The following CNOT10 variants were observed in gnomAD, a reference collection of about 807,000 sequenced individuals.
CNOT10 encodes CCR4-NOT transcription complex, subunit 10.
Under a neutral mutation model 94.6 loss-of-function variants are expected in CNOT10, and 30 were observed. That is an observed-to-expected ratio of 0.32 (90% CI 0.24 to 0.43). The LOEUF is 0.43. Ranked by LOEUF, CNOT10 falls within the 20% of genes least tolerant of loss-of-function variation. The pLI is 1.00. For missense variants in CNOT10, 759 were observed against 877.2 expected, an observed-to-expected ratio of 0.87 and a Z score of 1.70; for synonymous variants, 289 against 301.6, an observed-to-expected ratio of 0.96 and a Z score of 0.43.
At chr3:32,771,499 C>G (rs370516231) in intron 18 of CNOT10, among the ~76,000 whole-genome samples, 2 of 152,170 alleles carry the variant, frequency 1.3e-5, no homozygotes, top group South Asian at 2.1e-4. Context: ...ACTTAGGAGG[C>G]TGAAGCAGGA....
chr3:32,708,472 T>C (rs1475074010), intron 3 of CNOT10, among the ~76,000 whole-genome samples, 198 bp from the exon 4 acceptor site: 1 of 152,138 alleles, frequency 6.6e-6, no homozygotes, highest in Non-Finnish European at 1.5e-5. Context: ...TACCTAAAAT[T>C]TTATTATGTG....
At position 32,755,397 on chromosome 3, in the gene CNOT10, C is replaced by T. The variant is rs1301181770; in HGVS notation, c.1596-4061C>T. Reference sequence around the variant, plus strand: ...GCAATGGCATGATCTCAGCTCACTGCAACCTTTGCCTCCCAGGTTCAAGCA... The same window carrying T: ...GCAATGGCATGATCTCAGCTCACTGTAACCTTTGCCTCCCAGGTTCAAGCA... On this transcript the variant is annotated intron_variant, in intron 13 of 18. Transcript: ENST00000328834. Among the ~76,000 whole-genome samples, 3 of 147,318 alleles carry T rather than the reference C, an allele frequency of 2.0e-5. No homozygotes were observed. In the East Asian group the frequency reaches 6.1e-4, roughly 30 times the overall value.
intron 2 of CNOT10, among the ~76,000 whole-genome samples, chr3:32,704,525 A>G (rs1697523308): frequency 6.6e-6 from 1 of 152,136 alleles, no homozygotes; most frequent in Non-Finnish European, 1.5e-5. Context: ...AGCCTCAGCC[A>G]TTAATACCCT....
Position 32,685,378 on chromosome 3 carries a change from G to C in CNOT10, c.-83G>C, listed in dbSNP as rs1001028633. The C allele has an allele frequency of 2.7e-6, 4 of 1,502,386 alleles. No homozygotes were observed. The highest frequency in any genetic ancestry group is 2.5e-5 in the East Asian group (1 of 40,626). The allele number at this position is 1,502,386 out of a possible 1,614,324, so 93.1% of individuals were successfully genotyped here. A position where few individuals can be genotyped will look rare whatever the true frequency, so the allele number is the denominator to read the frequency against. On this transcript the variant is annotated 5_prime_UTR_variant, in exon 1 of 19. Transcript: ENST00000328834. ...CCGGGGTAGGCACAGAGTTGTCCTC[G>C]GAGGTCCAGGACAGCGGCCAGCCCG...
chr3:32,769,996 T>A, intron 18 of CNOT10, 34 bp downstream of exon 18: 1 of 1,548,472 alleles, frequency 6.5e-7, no homozygotes, highest in Non-Finnish European at 8.9e-7. Flanking sequence ...ACTTTATCCC[T>A]TGAAAGAGCC....
chr3:32,704,380 A>G (rs1306758497), intron 2 of CNOT10, among the ~76,000 whole-genome samples: 1 of 152,178 alleles, frequency 6.6e-6, no homozygotes, highest in Non-Finnish European at 1.5e-5. Context: ...TTTTTCTGGC[A>G]TTAAACAATA....
At chr3:32,762,350 G>C (rs1246877174) in intron 14 of CNOT10, among the ~76,000 whole-genome samples, 1 of 151,792 alleles carries the variant, frequency 6.6e-6, no homozygotes, top group Non-Finnish European at 1.5e-5. Flanking sequence ...GCTCACTGCA[G>C]CCTCAGTCTC....
intron 1 of CNOT10, among the ~76,000 whole-genome samples, chr3:32,687,454 T>G (rs1263983029): frequency 2.2e-5 from 1 of 45,950 alleles, no homozygotes; most frequent in African/African-American, 1.1e-4. Context: ...TTTTTTTTGT[T>G]TTTTTTTTTT....
chr3:32,708,235 C>A (rs1312708595), intron 3 of CNOT10, among the ~76,000 whole-genome samples: 2 of 152,062 alleles, frequency 1.3e-5, no homozygotes, highest in Non-Finnish European at 1.5e-5. Context: ...TTAGTTTTTA[C>A]AAAATGAAAT....
intron 1 of CNOT10, among the ~76,000 whole-genome samples, chr3:32,700,599 T>TA (rs1261238235): frequency 3.3e-5 from 5 of 152,208 alleles, no homozygotes; most frequent in African/African-American, 9.6e-5. Flanking sequence ...ACTAAAGCCT[T>TA]ACAATAACTT....
At chr3:32,762,677 T>G in intron 14 of CNOT10, 56 bp from the exon 15 acceptor site, 3 of 1,516,190 alleles carry the variant, frequency 2.0e-6, no homozygotes, top group Non-Finnish European at 2.7e-6. Flanking sequence ...TTATTTTACA[T>G]TGGGTATTTT....
At chr3:32,711,290 A>G (rs1469979401) in intron 4 of CNOT10, among the ~76,000 whole-genome samples, 1 of 152,188 alleles carries the variant, frequency 6.6e-6, no homozygotes, top group East Asian at 1.9e-4. Flanking sequence ...TAGTATTTAC[A>G]TACAGTCTCT....
intron 13 of CNOT10, among the ~76,000 whole-genome samples, chr3:32,750,041 A>T (rs1319796517): frequency 6.6e-6 from 1 of 152,066 alleles, no homozygotes; most frequent in Non-Finnish European, 1.5e-5. Flanking sequence ...ACATAGTGAG[A>T]CCTTGTCTCT....
chr3:32,738,714 G>T (rs181631433), intron 13 of CNOT10, among the ~76,000 whole-genome samples: 24 of 151,722 alleles, frequency 1.6e-4, no homozygotes, highest in African/African-American at 5.6e-4. Context: ...CACCCACCTC[G>T]GCCTCCCAAA....
intron 1 of CNOT10, among the ~76,000 whole-genome samples, chr3:32,693,822 G>A (rs7631354): frequency 0.061 from 9,305 of 152,190 alleles, 330 homozygotes; most frequent in African/African-American, 0.09. Context: ...GATTACAGGT[G>A]TGAGCCACCA....
intron 8 of CNOT10, among the ~76,000 whole-genome samples, chr3:32,721,316 C>T (rs1698394137): frequency 6.6e-6 from 1 of 151,324 alleles, no homozygotes; most frequent in Non-Finnish European, 1.5e-5. Context: ...CCCACCTCAG[C>T]ATCTCAAAGT....
chr3:32,729,993 C>T (rs1559497797), intron 10 of CNOT10, among the ~76,000 whole-genome samples: 1 of 151,698 alleles, frequency 6.6e-6, no homozygotes, highest in Non-Finnish European at 1.5e-5. Context: ...TGGTCTCGAT[C>T]TCCTGACCTC....
At chr3:32,740,633 C>T (rs988249656) in intron 13 of CNOT10, among the ~76,000 whole-genome samples, 18 of 151,520 alleles carry the variant, frequency 1.2e-4, no homozygotes, top group African/African-American at 3.6e-4. Context: ...GAGGCCGAGG[C>T]GGGTGGATCA....
chr3:32,769,904 T>C lies in CNOT10; in HGVS notation c.2022T>C (p.His674=), dbSNP rs780880912. The change falls in exon 18 of 19, where the codon CAT becomes CAC. Residue 674 remains histidine, a synonymous_variant. Transcript: ENST00000328834. ...KCLHQAASMI[H]PKEVPPEAIL... The stretch of plus-strand genomic sequence containing the variant: ...GAGCAAAGGCGGCTTCAATGATCCA[T>C]CCTAAAGAGGTGCCCCCTGAGGCCA... The C allele has an allele frequency of 1.1e-5, 17 of 1,613,992 alleles. No homozygotes were observed. The highest frequency in any genetic ancestry group is 1.4e-5 in the Non-Finnish European group (16 of 1,179,926).
Sources: gnomAD v4.1 joint callset for allele counts (sites outside exome capture counted in the v4.1 genomes callset) on GRCh38, gnomAD v4.1.1 for gene constraint, MANE v1.5 for transcripts, NCBI Gene and HGNC (gene_info 2026-07-23, HGNC 2026-07-21) for gene names.